ATP1A3: variants seen among roughly 807,000 people sequenced by gnomAD.
ATP1A3 encodes ATPase Na+/K+ transporting subunit alpha 3, also known as sodium/potassium-transporting ATPase subunit alpha-3.
ATP1A3 carries 12 observed loss-of-function variants against 108.8 expected under a neutral mutation model. The observed-to-expected ratio is 0.11, with a 90% CI of 0.07 to 0.18. ATP1A3 has a LOEUF of 0.18. ATP1A3 is among the 10% of genes least tolerant of loss of function. The probability of loss-of-function intolerance (pLI) is 1.00; values close to 1 mark genes in which losing one functional copy is unlikely to be tolerated. For missense variants in ATP1A3, 498 were observed against 1,387.7 expected, an observed-to-expected ratio of 0.36 and a Z score of 10.19; for synonymous variants, 539 against 564.5, an observed-to-expected ratio of 0.95 and a Z score of 0.64.
At position 41,993,393 on chromosome 19, in the gene ATP1A3, C is replaced by T. The variant is rs781903599; in HGVS notation, c.6+678G>A. On this transcript the variant is annotated intron_variant, in intron 1 of 22. Transcript: ENST00000648268. ...TCAGCTGTGCACTCAGTCTCCCCAC[C>T]GTGGCTCTCCTGTTCCTCTCCTCCT... 1.8e-5 allele frequency: 28 copies of T among 1,535,770 alleles called. No homozygotes were observed. In the South Asian group the frequency reaches 2.1e-4, roughly 12 times the overall value.
chr19:41,973,503 G>A (rs375655732), intron 16 of ATP1A3, among the ~76,000 whole-genome samples: 144 of 152,226 alleles, frequency 9.5e-4, no homozygotes, highest in African/African-American at 3.3e-3. Context: ...CGATCCTCCC[G>A]CCTTGGTCTC....
At chr19:41,971,501 C>G (rs1422399592) in intron 16 of ATP1A3, among the ~76,000 whole-genome samples, 3 of 152,116 alleles carry the variant, frequency 2.0e-5, no homozygotes, top group African/African-American at 7.2e-5. Flanking sequence ...AGAGTCAACC[C>G]CATGTCCATC....
At position 41,986,235 on chromosome 19, in the gene ATP1A3, G is replaced by A. The variant is rs1395827738; in HGVS notation, c.358-6C>T. The A allele has an allele frequency of 4.3e-6, 7 of 1,613,614 alleles. 1 individual carries two copies. The African/African-American group carries it at 8.0e-5, about 18-fold the overall frequency. On this transcript the variant is annotated splice_polypyrimidine_tract_variant and splice_region_variant and intron_variant, in intron 4 of 22. Transcript: ENST00000648268. ...AGCACGATGCCCAGGTACAGCTGTG[G>A]GGAGATGTGGGGATGTTGATCAGGG...
chr19:41,972,368 C>T (rs1219859660), intron 16 of ATP1A3, among the ~76,000 whole-genome samples: 1 of 151,674 alleles, frequency 6.6e-6, no homozygotes, highest in African/African-American at 2.4e-5. Context: ...GTTGCAGTGA[C>T]TGATGATTGC....
rs2075044130 is a variant in ATP1A3, at chr19:41,966,588, C to G, written c.*349G>C. 7.1e-7 allele frequency: 1 copy of G among 1,399,216 alleles called. No homozygotes were observed. Among genetic ancestry groups the G allele is most frequent in the African/African-American group, 1.4e-5 (1 of 69,314 alleles). The allele number at this position is 1,399,216 out of a possible 1,614,324, so 86.7% of individuals were successfully genotyped here. On this transcript the variant is annotated 3_prime_UTR_variant, in exon 23 of 23. Coordinates refer to ENST00000648268, the MANE Select transcript of ATP1A3 (RefSeq NM_152296.5). Reference sequence around the variant, plus strand: ...GGCACAACACACACACCGCTTCTCTCTCCCCACTGATATATTTGATAATTG... The same window carrying G: ...GGCACAACACACACACCGCTTCTCTGTCCCCACTGATATATTTGATAATTG...
intron 16 of ATP1A3, among the ~76,000 whole-genome samples, chr19:41,972,358 G>A (rs1490271886): frequency 6.6e-6 from 1 of 152,130 alleles, no homozygotes; most frequent in Non-Finnish European, 1.5e-5. Context: ...GGAGGTCGAG[G>A]TTGCAGTGAC....
chr19:41,970,612 C>G (rs1464805036), intron 16 of ATP1A3, 70 bp from the exon 17 acceptor site: 1 of 1,518,012 alleles, frequency 6.6e-7, no homozygotes, highest in Non-Finnish European at 9.0e-7. Context: ...CCTCCTCTGC[C>G]CTCATCCAAC....
intron 16 of ATP1A3, among the ~76,000 whole-genome samples, chr19:41,973,291 T>C (rs1316178908): frequency 1.3e-5 from 2 of 152,186 alleles, no homozygotes; most frequent in African/African-American, 2.4e-5. Flanking sequence ...CGGATCTCGC[T>C]CTATCCCAGG....
chr19:41,988,996 G>A lies in ATP1A3; in HGVS notation c.7-434C>T, dbSNP rs1222872590. Reference sequence around the variant, plus strand: ...GTCTCACTCTGATGCCCAGGCTGGAGTGCAGCAATCACAGCTCACTGCAGC... The same window carrying A: ...GTCTCACTCTGATGCCCAGGCTGGAATGCAGCAATCACAGCTCACTGCAGC... On this transcript the variant is annotated intron_variant, in intron 1 of 22. Transcript: ENST00000648268. The surrounding 1 kb of genome is among the most constrained non-coding windows in gnomAD (Gnocchi z 5.3). 6.6e-6 allele frequency among the ~76,000 whole-genome samples: 1 copy of A among 152,100 alleles called. No homozygotes were observed. Among genetic ancestry groups the A allele is most frequent in the Non-Finnish European group, 1.5e-5 (1 of 68,028 alleles).
intron 1 of ATP1A3, among the ~76,000 whole-genome samples, chr19:41,990,433 CTCTCTCTG>C (rs1555866930): frequency 7.4e-6 from 1 of 135,046 alleles, no homozygotes; most frequent in African/African-American, 2.8e-5. Flanking sequence ...CTCTCTCTCC[CTCTCTCTG>C]TCTCTCTCAA....
chr19:41,973,853 T>A (rs532310459), intron 16 of ATP1A3, among the ~76,000 whole-genome samples: 5 of 152,160 alleles, frequency 3.3e-5, no homozygotes, highest in African/African-American at 9.6e-5. Context: ...TGCATAGATG[T>A]CTTGGGGAGG....
chr19:41,982,134 T>TACAGGGA (rs1555863775), intron 8 of ATP1A3, 28 bp from the exon 9 acceptor site: 1 of 1,613,648 alleles, frequency 6.2e-7, no homozygotes. Context: ...GCAGGCAAGT[T>TACAGGGA]ACAGGGACAA....
At position 41,970,379 on chromosome 19, in the gene ATP1A3, A is replaced by G; in HGVS notation, c.2418+9T>C. ...CTCCTGGGCCCCAAGGGTGGCTGCC[A>G]GGGCTCACCATGTCAGTGCCCAGAT... On this transcript the variant is annotated intron_variant, in intron 17 of 22. Transcript: ENST00000648268. 6.2e-7 allele frequency: 1 copy of G among 1,614,240 alleles called. No individual in the cohort carries two copies. The highest frequency in any genetic ancestry group is 8.5e-7 in the Non-Finnish European group (1 of 1,180,042).
intron 8 of ATP1A3, among the ~76,000 whole-genome samples, chr19:41,983,495 C>T: frequency 6.6e-6 from 1 of 151,582 alleles, no homozygotes; most frequent in East Asian, 1.9e-4. Context: ...ATGCTCACAG[C>T]TGTCAGGCGG....
At chr19:41,982,168 C>T (rs367642798) in intron 8 of ATP1A3, 62 bp from the exon 9 acceptor site, 167 of 1,612,154 alleles carry the variant, frequency 1.0e-4, no homozygotes, top group African/African-American at 5.3e-4. Context: ...GTTGGATGAG[C>T]GACACGAGGG....
At chr19:41,982,152 A>C in intron 8 of ATP1A3, 46 bp from the exon 9 acceptor site, 3 of 1,613,308 alleles carry the variant, frequency 1.9e-6, no homozygotes, top group Non-Finnish European at 2.5e-6. Flanking sequence ...CAAGCCCGGC[A>C]GCAGGGTTGG....
At chr19:41,969,019 G>GGGC in intron 19 of ATP1A3, 104 bp from the exon 20 acceptor site, 2 of 1,542,246 alleles carry the variant, frequency 1.3e-6, no homozygotes, top group Non-Finnish European at 1.8e-6. Context: ...ATCCTGCATG[G>GGGC]GGTCCTCAGG....
Position 41,970,137 on chromosome 19 carries a change from C to T in ATP1A3, c.2542+48G>A, listed in dbSNP as rs782399556. On this transcript the variant is annotated intron_variant, in intron 18 of 22. Transcript: ENST00000648268. ...CACCCACGGTGGGCCAGGCACTGCTCTAGGCCCGGCACTGGGTGGTAAGGA... is the reference window on the plus strand; with the variant it reads ...CACCCACGGTGGGCCAGGCACTGCTTTAGGCCCGGCACTGGGTGGTAAGGA... 1.9e-6 allele frequency: 3 copies of T among 1,613,992 alleles called. No individual in the cohort carries two copies. In the East Asian group the frequency reaches 6.7e-5, roughly 36 times the overall value.
At position 41,988,180 on chromosome 19, in the gene ATP1A3, CCCT is replaced by C; in HGVS notation, c.154-44_154-42del. 1 of 1,613,752 alleles carries C rather than the reference CCCT, an allele frequency of 6.2e-7. No individual in the cohort carries two copies. Among genetic ancestry groups the C allele is most frequent in the East Asian group, 2.2e-5 (1 of 44,872 alleles). On this transcript the variant is annotated intron_variant, in intron 3 of 22. Transcript: ENST00000648268. The surrounding 1 kb of genome is among the most constrained non-coding windows in gnomAD (Gnocchi z 5.3). Reference sequence around the variant, plus strand: ...CTCACACAGAACCCTCCCTGGGCAACCCTGGCACCCCAGGCCTTCACCAGACCC... The same window carrying C: ...CTCACACAGAACCCTCCCTGGGCAACGGCACCCCAGGCCTTCACCAGACCC...
Sources: allele counts gnomAD v4.1 joint callset (sites outside exome capture counted in the v4.1 genomes callset), GRCh38; gene constraint gnomAD v4.1.1; non-coding constraint Gnocchi (gnomAD v3.1); transcripts MANE v1.5; gene names NCBI Gene and HGNC (gene_info 2026-07-23, HGNC 2026-07-21).